PLAC1: variants seen among roughly 807,000 people sequenced by gnomAD.
PLAC1 encodes placenta-specific protein 1.
For missense variants in PLAC1, 136 were observed against 163.2 expected (o/e 0.83, Z 0.91); for synonymous variants, 68 against 62.1 (o/e 1.09, Z -0.44).
At chrX:134,704,535 CATAGTA>C (rs2147829535) in intron 2 of PLAC1, among the ~76,000 whole-genome samples, 1 of 99,861 alleles carries the variant, frequency 1.0e-5, no homozygotes, top group East Asian at 3.1e-4. Flanking sequence ...AAAAATAAAA[CATAGTA>C]ATAGAAATAT....
chrX:134,593,926 T>C (rs2078051251), intron 2 of PLAC1, among the ~76,000 whole-genome samples: 2 of 111,887 alleles, frequency 1.8e-5, no homozygotes, highest in Admixed American at 9.5e-5. Context: ...CTAGCTAGAA[T>C]GTCCAGCACT....
chrX:134,624,018 A>G (rs185992035), intron 1 of PLAC1, among the ~76,000 whole-genome samples: 2 of 112,310 alleles, frequency 1.8e-5, no homozygotes, highest in Admixed American at 1.9e-4. Context: ...TAGCTTGTCT[A>G]GTCCAAGTCC....
chrX:134,730,880 G>A (rs1490319612), intron 2 of PLAC1, among the ~76,000 whole-genome samples: 1 of 111,539 alleles, frequency 9.0e-6, no homozygotes, highest in East Asian at 2.8e-4. Flanking sequence ...TGAAGGAAAC[G>A]GCAATGGGGG....
intron 2 of PLAC1, among the ~76,000 whole-genome samples, chrX:134,600,028 G>T (rs192979164): frequency 1.9e-3 from 204 of 110,259 alleles, no homozygotes; most frequent in African/African-American, 6.4e-3. Flanking sequence ...TCAAACTAAG[G>T]CTCAGAGCAT....
At chrX:134,610,415 G>A (rs1235104619) in intron 1 of PLAC1, among the ~76,000 whole-genome samples, 3 of 110,893 alleles carry the variant, frequency 2.7e-5, no homozygotes, top group Non-Finnish European at 5.7e-5. Context: ...TTTTCCTAGG[G>A]TTCCAGTATC....
intron 1 of PLAC1, among the ~76,000 whole-genome samples, chrX:134,617,243 C>T (rs985252784): frequency 8.9e-6 from 1 of 111,826 alleles, no homozygotes; most frequent in Non-Finnish European, 1.9e-5. Context: ...CCTGCCTCGG[C>T]CTCCCAAAGT....
At chrX:134,732,729 G>A (rs2078692347) in intron 2 of PLAC1, among the ~76,000 whole-genome samples, 2 of 112,403 alleles carry the variant, frequency 1.8e-5, no homozygotes, top group South Asian at 7.5e-4. Context: ...CCTGAGTCAG[G>A]AACGGATCCT....
At chrX:134,730,966 C>T (rs757715090) in intron 2 of PLAC1, among the ~76,000 whole-genome samples, 5 of 111,381 alleles carry the variant, frequency 4.5e-5, no homozygotes, top group Non-Finnish European at 7.5e-5. Context: ...CCCTTCCTCT[C>T]ATCTCCCTCA....
At chrX:134,698,442 A>G (rs2078572090) in intron 2 of PLAC1, among the ~76,000 whole-genome samples, 2 of 111,893 alleles carry the variant, frequency 1.8e-5, no homozygotes, top group Admixed American at 1.9e-4. Flanking sequence ...AACAAGAGCA[A>G]AAACTCCGTC....
chrX:134,664,044 G>A (rs922028636), intron 2 of PLAC1, among the ~76,000 whole-genome samples: 1 of 112,022 alleles, frequency 8.9e-6, no homozygotes, highest in Non-Finnish European at 1.9e-5. Context: ...ACAGGACACT[G>A]GTTATGCACA....
At chrX:134,570,418 G>A (rs1197011719) in intron 2 of PLAC1, among the ~76,000 whole-genome samples, 2 of 111,334 alleles carry the variant, frequency 1.8e-5, no homozygotes, top group African/African-American at 6.5e-5. Context: ...TCTATTTAAA[G>A]TCTTTAGAAC....
rs182849763 is a variant in PLAC1 at position 134,613,181 on chromosome X, G to C, written c.-130-11059C>G. ...AAATAAAAGGAAAAACCTCAAATCT[G>C]AGAAAGAAATGCACAGGACGATCCA... On this transcript the variant is annotated intron_variant, in intron 1 of 2. Transcript: ENST00000359237. Among the ~76,000 whole-genome samples the C allele has an allele frequency of 1.3e-4, 14 of 110,837 alleles. No individual in the cohort carries two copies. In the East Asian group the frequency reaches 3.7e-3, roughly 29 times the overall value.
At position 134,578,407 on chromosome X, in the gene PLAC1, T is replaced by C. The variant is rs2077953563; in HGVS notation, c.-58-11667A>G. ...CAGCCTGAGTGACAGAGCAAGACTC[T>C]GTCTCAAAAAAAAAAAAAAAAAGAA... On this transcript the variant is annotated intron_variant, in intron 2 of 2. Transcript: ENST00000359237. Among the ~76,000 whole-genome samples the C allele has an allele frequency of 9.9e-5, 6 of 60,912 alleles. No homozygotes were observed. In the South Asian group the frequency reaches 4.8e-3, roughly 48 times the overall value. The allele number at this position is 60,912 out of a possible 115,157, so 52.9% of individuals were successfully genotyped here.
intron 1 of PLAC1, among the ~76,000 whole-genome samples, chrX:134,741,910 A>T (rs778825894): frequency 3.1e-4 from 35 of 111,259 alleles, no homozygotes; most frequent in African/African-American, 1.1e-3. Context: ...CTGTGGACTC[A>T]AGAAGAAAGC....
intron 1 of PLAC1, among the ~76,000 whole-genome samples, chrX:134,735,340 A>G (rs987021160): frequency 1.8e-5 from 2 of 111,070 alleles, no homozygotes; most frequent in African/African-American, 6.6e-5. Context: ...TTGTCTCTGC[A>G]GTATATGCAA....
chrX:134,581,768 C>T (rs969504752), intron 2 of PLAC1, among the ~76,000 whole-genome samples: 1 of 110,957 alleles, frequency 9.0e-6, no homozygotes, highest in African/African-American at 3.3e-5. Flanking sequence ...CGTGAGCCAC[C>T]GAGCCCGGCC....
At chrX:134,631,929 A>G (rs1248912847) in intron 1 of PLAC1, among the ~76,000 whole-genome samples, 1 of 112,067 alleles carries the variant, frequency 8.9e-6, no homozygotes, top group Non-Finnish European at 1.9e-5. Flanking sequence ...TGGGATTTTG[A>G]AAAGTTCCGT....
chrX:134,743,714 T>C (rs1316143743), intron 1 of PLAC1, among the ~76,000 whole-genome samples: 2 of 111,358 alleles, frequency 1.8e-5, no homozygotes, highest in African/African-American at 6.5e-5. Flanking sequence ...AATGTCACTC[T>C]CCGAAACAAG....
Position 134,615,108 on chromosome X carries a change from G to A in PLAC1, c.-130-12986C>T, listed in dbSNP as rs760044508. Among the ~76,000 whole-genome samples, 50 of 112,172 alleles carry A rather than the reference G, an allele frequency of 4.5e-4. 1 individual carries two copies. The highest frequency in any genetic ancestry group is 1.5e-3 in the African/African-American group (47 of 30,909). On this transcript the variant is annotated intron_variant, in intron 1 of 2. Transcript: ENST00000359237. ...TATATATCCAGAAGGGGAATTGATA[G>A]GCCATATGGTAATTCCACTTTTAAT...
Sources: allele counts gnomAD v4.1 joint callset (sites outside exome capture counted in the v4.1 genomes callset), GRCh38; gene constraint gnomAD v4.1.1; transcripts MANE v1.5; gene names NCBI Gene and HGNC (gene_info 2026-07-23, HGNC 2026-07-21).